Variants in RMND1 observed in about 807,000 individuals in gnomAD.
The protein encoded by RMND1 is required for meiotic nuclear division 1 homolog.
A neutral mutation model predicts 54.0 loss-of-function variants in RMND1; 41 were observed. That is an observed-to-expected ratio of 0.76 (90% CI 0.59 to 0.98). The LOEUF is 0.98. Among genes scored for constraint, RMND1 ranks in the 50% least tolerant of loss-of-function variants. The probability of loss-of-function intolerance (pLI) is 0.00; values close to 1 mark genes in which losing one functional copy is unlikely to be tolerated. For missense variants in RMND1, 457 were observed against 532.0 expected, an observed-to-expected ratio of 0.86 and a Z score of 1.39; for synonymous variants, 183 against 181.7, an observed-to-expected ratio of 1.01 and a Z score of -0.06.
intron 3 of RMND1, among the ~76,000 whole-genome samples, chr6:151,435,215 AG>A (rs1488751900): frequency 6.6e-6 from 1 of 151,716 alleles, no homozygotes; most frequent in Non-Finnish European, 1.5e-5. Context: ...GCATGATCTC[AG>A]CTCACTGCAA....
Position 151,415,782 on chromosome 6 carries a change from G to C in RMND1, c.1200+1497C>G, listed in dbSNP as rs573803353. 2.6e-5 allele frequency among the ~76,000 whole-genome samples: 3 copies of C among 114,044 alleles called. No homozygotes were observed. The East Asian group carries it at 8.0e-4, about 31-fold the overall frequency. 74.8% of individuals were successfully genotyped at this position (114,044 alleles called of 152,430 possible). A position where few individuals can be genotyped will look rare whatever the true frequency, so the allele number is the denominator to read the frequency against. On this transcript the variant is annotated intron_variant, in intron 10 of 11. Coordinates refer to ENST00000444024, the MANE Select transcript of RMND1 (RefSeq NM_017909.4). ...CACTCCAGCCTGGGCAACAGAGCAA[G>C]ACTCCGTCTCAAAAAAAAAAAAAAA...
intron 1 of RMND1, among the ~76,000 whole-genome samples, chr6:151,448,127 C>G (rs1781018636): frequency 6.6e-6 from 1 of 152,094 alleles, no homozygotes; most frequent in Non-Finnish European, 1.5e-5. Context: ...ATTTTTATCA[C>G]TGCACCTTCT....
rs570172193 is a variant in RMND1 at position 151,417,426 on chromosome 6, T to C, written c.1080-27A>G. 24 of 1,502,080 alleles carry C rather than the reference T, an allele frequency of 1.6e-5. No homozygotes were observed. The South Asian group carries it at 2.9e-4, about 18-fold the overall frequency. 93.0% of individuals were successfully genotyped at this position (1,502,080 alleles called of 1,614,324 possible). A position where few individuals can be genotyped will look rare whatever the true frequency, so the allele number is the denominator to read the frequency against. On this transcript the variant is annotated intron_variant, in intron 9 of 11. Coordinates refer to ENST00000444024, the MANE Select transcript of RMND1 (RefSeq NM_017909.4). ...TTTAAAAAGGAAAATTATAACTTTTTATTTATCTTGAATTAAAAATCATTG... is the reference window on the plus strand; with the variant it reads ...TTTAAAAAGGAAAATTATAACTTTTCATTTATCTTGAATTAAAAATCATTG...
intron 10 of RMND1, among the ~76,000 whole-genome samples, chr6:151,406,178 T>G (rs1260933997): frequency 1.3e-5 from 2 of 152,128 alleles, no homozygotes; most frequent in East Asian, 3.9e-4. Context: ...TAAAGATAAT[T>G]TACTTTCTAC....
intron 10 of RMND1, among the ~76,000 whole-genome samples, chr6:151,410,511 G>A (rs1027439674): frequency 4.6e-5 from 7 of 152,158 alleles, no homozygotes; most frequent in Admixed American, 3.3e-4. Context: ...AATCCAACGA[G>A]TCTGAACTGC....
intron 1 of RMND1, among the ~76,000 whole-genome samples, chr6:151,448,531 C>A (rs555655574): frequency 6.6e-6 from 1 of 152,274 alleles, no homozygotes; most frequent in South Asian, 2.1e-4. Context: ...ACGTGGGGTC[C>A]AGCTTGACTC....
At chr6:151,434,915 C>A (rs537932451) in intron 3 of RMND1, among the ~76,000 whole-genome samples, 200 of 152,148 alleles carry the variant, frequency 1.3e-3, no homozygotes, top group Non-Finnish European at 2.3e-3. Context: ...GTGGCACGAT[C>A]TTGGCTCATT....
intron 4 of RMND1, among the ~76,000 whole-genome samples, chr6:151,431,337 C>T (rs745315074): frequency 6.6e-6 from 1 of 151,964 alleles, no homozygotes; most frequent in African/African-American, 2.4e-5. Context: ...GTTCATAGTC[C>T]GTGGAAATTT....
At chr6:151,430,660 C>G (rs1780424626) in intron 4 of RMND1, among the ~76,000 whole-genome samples, 1 of 152,228 alleles carries the variant, frequency 6.6e-6, no homozygotes, top group Non-Finnish European at 1.5e-5. Flanking sequence ...GCTCCCCACG[C>G]TCACAGTGCT....
At chr6:151,423,932 C>CA (rs1413366382) in intron 6 of RMND1, among the ~76,000 whole-genome samples, 1 of 151,636 alleles carries the variant, frequency 6.6e-6, no homozygotes, top group Admixed American at 6.6e-5. Context: ...ACTGCAACCT[C>CA]AGTCTCCTAG....
rs769747685 is a variant in RMND1 at position 151,409,490 on chromosome 6, A to G, written c.1201-3654T>C. On this transcript the variant is annotated intron_variant, in intron 10 of 11. Transcript: ENST00000444024. ...TTACCATTTTCTGGGGTGGGGGGGA[A>G]TTTCAAAAGTTTCATTTTGAAATTT... is the stretch of plus-strand genomic sequence containing the variant. Among the ~76,000 whole-genome samples, 24 of 152,304 alleles carry G rather than the reference A, an allele frequency of 1.6e-4. No homozygotes were observed. The South Asian group carries it at 1.7e-3, about 11-fold the overall frequency.
chr6:151,443,794 T>A (rs994265000), intron 2 of RMND1, among the ~76,000 whole-genome samples: 2 of 152,230 alleles, frequency 1.3e-5, no homozygotes, highest in Non-Finnish European at 2.9e-5. Flanking sequence ...GATATTTTTA[T>A]GTTTTTACTC....
intron 10 of RMND1, chr6:151,411,441 G>A (rs1302826518): frequency 6.6e-6 from 1 of 152,198 alleles, no homozygotes; most frequent in Non-Finnish European, 1.5e-5. Context: ...TTCATGGAGG[G>A]ACTCAATCTC....
intron 10 of RMND1, among the ~76,000 whole-genome samples, chr6:151,406,989 GTC>G (rs991751512): frequency 5.3e-5 from 8 of 151,926 alleles, no homozygotes; most frequent in African/African-American, 1.7e-4. Flanking sequence ...GTGAAACCCT[GTC>G]TCTACAAAAA....
At chr6:151,405,339 T>G (rs985641435) in intron 11 of RMND1, 72 bp from the exon 12 acceptor site, 1 of 1,372,734 alleles carries the variant, frequency 7.3e-7, no homozygotes, top group Non-Finnish European at 1.0e-6. Context: ...CTTCCAAGAT[T>G]GTGATTAATG....
intron 8 of RMND1, 26 bp from the exon 9 acceptor site, chr6:151,421,347 C>A (rs773103100): frequency 5.2e-6 from 8 of 1,545,384 alleles, no homozygotes; most frequent in Middle Eastern, 1.7e-4. Context: ...TCGGAAAAAC[C>A]AAAAAACCAT....
intron 3 of RMND1, 138 bp from the exon 4 acceptor site, chr6:151,433,368 T>C (rs1458578950): frequency 2.1e-6 from 1 of 487,660 alleles, no homozygotes; most frequent in African/African-American, 2.0e-5. Context: ...AATCACCATC[T>C]TTCTACTAAG....
rs759477396 is a variant in RMND1, at chr6:151,445,326, TG to T, written c.485del (p.Pro162GlnfsTer5). ...RTRQPSRTNL[P>X]VLSVNEDLMH... ...ACTTTACCTCGTTCACAGACAGAACTGGAAGGTTGGTCCTGGATGGCTGTCT... is the reference window on the plus strand; with the variant it reads ...ACTTTACCTCGTTCACAGACAGAACTGAAGGTTGGTCCTGGATGGCTGTCT... On this transcript the variant is annotated frameshift_variant, in exon 2 of 12. Transcript: ENST00000444024. LOFTEE classifies it high-confidence loss of function. 6 of 1,611,146 alleles carry T rather than the reference TG, an allele frequency of 3.7e-6. No homozygotes were observed. The highest frequency in any genetic ancestry group is 5.1e-6 in the Non-Finnish European group (6 of 1,178,824).
chr6:151,445,888 T>A (rs755153364), intron 1 of RMND1, 63 bp from the exon 2 acceptor site: 32 of 1,374,968 alleles, frequency 2.3e-5, no homozygotes, highest in Non-Finnish European at 3.1e-5. Context: ...ATATAATATT[T>A]CCCTAGGTAG....
Sources: allele counts gnomAD v4.1 joint callset (sites outside exome capture counted in the v4.1 genomes callset), GRCh38; gene constraint gnomAD v4.1.1; transcripts MANE v1.5; gene names NCBI Gene and HGNC (gene_info 2026-07-23, HGNC 2026-07-21).